Variants in LPP observed in about 807,000 individuals in gnomAD.
LPP encodes the protein lipoma-preferred partner.
LPP carries 38 observed loss-of-function variants against 60.4 expected under a neutral mutation model. The observed-to-expected ratio is 0.63, with a 90% confidence interval of 0.49 to 0.83. The LOEUF (loss-of-function observed/expected upper bound fraction) is 0.83. Among genes scored for constraint, LPP ranks in the 40% least tolerant of loss-of-function variants. The pLI is 0.00. For missense variants in LPP, 902 were observed against 783.6 expected (o/e 1.15, Z -1.80); for synonymous variants, 328 against 290.8 (o/e 1.13, Z -1.30).
At chr3:188,191,367 G>C (rs1340476128) in intron 1 of LPP, among the ~76,000 whole-genome samples, 4 of 152,204 alleles carry the variant, frequency 2.6e-5, no homozygotes, top group African/African-American at 9.6e-5. Flanking sequence ...GGAAACAACT[G>C]TTTCTTTGGT....
At chr3:188,410,529 TG>T (rs1560368273) in intron 4 of LPP, among the ~76,000 whole-genome samples, 3 of 152,194 alleles carry the variant, frequency 2.0e-5, no homozygotes, top group Non-Finnish European at 1.5e-5. Context: ...CACTGAAAAG[TG>T]GGGCATGCTT....
chr3:188,214,433 G>T (rs58514826), intron 1 of LPP, among the ~76,000 whole-genome samples: 1 of 152,112 alleles, frequency 6.6e-6, no homozygotes, highest in African/African-American at 2.4e-5. Context: ...ACCTGGCCTC[G>T]GATCAACTTG....
chr3:188,213,961 A>AACACAC (rs59389556), intron 1 of LPP, among the ~76,000 whole-genome samples: 14,984 of 130,226 alleles, frequency 0.12, 1,114 homozygotes, highest in African/African-American at 0.19. Context: ...TTAGATTTTA[A>AACACAC]ACACACACAC....
intron 3 of LPP, among the ~76,000 whole-genome samples, chr3:188,350,080 G>A (rs1765435267): frequency 6.6e-6 from 1 of 152,182 alleles, no homozygotes; most frequent in Non-Finnish European, 1.5e-5. Flanking sequence ...CAGGCAACAT[G>A]GCATGTTTTA....
chr3:188,623,119 T>A (rs374766583), intron 7 of LPP, among the ~76,000 whole-genome samples: 23 of 151,106 alleles, frequency 1.5e-4, no homozygotes, highest in African/African-American at 4.6e-4. Flanking sequence ...ACTAGATCAT[T>A]TAAAACAAAA....
At chr3:188,733,329 A>G (rs1294433499) in intron 8 of LPP, among the ~76,000 whole-genome samples, 1 of 150,838 alleles carries the variant, frequency 6.6e-6, no homozygotes, top group African/African-American at 2.4e-5. Flanking sequence ...ACATTTATAT[A>G]CCATACATGT....
At chr3:188,850,302 G>C (rs1213485589) in intron 9 of LPP, among the ~76,000 whole-genome samples, 2 of 152,196 alleles carry the variant, frequency 1.3e-5, no homozygotes, top group African/African-American at 2.4e-5. Flanking sequence ...AATAGGACTT[G>C]ATACCTGATG....
intron 9 of LPP, among the ~76,000 whole-genome samples, chr3:188,853,542 G>A (rs1763152488): frequency 6.6e-6 from 1 of 152,206 alleles, no homozygotes; most frequent in South Asian, 2.1e-4. Context: ...AAAAGCTTGG[G>A]TTGACAGGAA....
intron 3 of LPP, among the ~76,000 whole-genome samples, chr3:188,355,792 A>G (rs1382129411): frequency 2.6e-5 from 4 of 152,202 alleles, no homozygotes; most frequent in East Asian, 1.9e-4. Context: ...TCATATGACT[A>G]TTCTATCAAT....
At chr3:188,712,044 C>T (rs1170797859) in intron 8 of LPP, 1 of 152,108 alleles carries the variant, frequency 6.6e-6, no homozygotes, top group Non-Finnish European at 1.5e-5. Flanking sequence ...AAATAAGGTT[C>T]AAGTAGTAGG....
At chr3:188,768,995 A>C (rs906127772) in intron 9 of LPP, among the ~76,000 whole-genome samples, 3 of 152,176 alleles carry the variant, frequency 2.0e-5, no homozygotes, top group African/African-American at 7.2e-5. Flanking sequence ...GAACCTGAAA[A>C]ATTTTAAATA....
intron 2 of LPP, among the ~76,000 whole-genome samples, chr3:188,311,988 C>G (rs943801571): frequency 2.0e-5 from 3 of 152,030 alleles, no homozygotes; most frequent in Non-Finnish European, 4.4e-5. Context: ...ATAAGTAACA[C>G]AAAAATATAG....
intron 2 of LPP, among the ~76,000 whole-genome samples, chr3:188,229,291 T>A (rs186280046): frequency 1.3e-5 from 2 of 152,318 alleles, no homozygotes; most frequent in Admixed American, 1.3e-4. Flanking sequence ...TAATCATACC[T>A]GCTGCTCCAG....
At chr3:188,582,942 A>G (rs1173691978) in intron 6 of LPP, among the ~76,000 whole-genome samples, 1 of 152,076 alleles carries the variant, frequency 6.6e-6, no homozygotes, top group Non-Finnish European at 1.5e-5. Context: ...TCTTTCATGG[A>G]CCATTGGTGA....
chr3:188,456,166 A>G (rs1231236237), intron 4 of LPP, among the ~76,000 whole-genome samples: 1 of 152,208 alleles, frequency 6.6e-6, no homozygotes, highest in African/African-American at 2.4e-5. Context: ...TACAGGCGTG[A>G]GCCAATGGGC....
At chr3:188,501,518 G>T (rs556473970) in intron 5 of LPP, among the ~76,000 whole-genome samples, 20 of 152,272 alleles carry the variant, frequency 1.3e-4, no homozygotes, top group Admixed American at 6.5e-4. Flanking sequence ...GAGAGGCCGA[G>T]GCGGGTGGAT....
intron 2 of LPP, among the ~76,000 whole-genome samples, chr3:188,268,171 G>A (rs997498828): frequency 2.0e-5 from 3 of 151,886 alleles, no homozygotes; most frequent in East Asian, 1.9e-4. Context: ...TTGTGACCAC[G>A]CTTTACATTT....
chr3:188,726,944 T>A (rs2149975785), intron 8 of LPP, among the ~76,000 whole-genome samples: 1 of 152,298 alleles, frequency 6.6e-6, no homozygotes. Flanking sequence ...TAGTTTGAAT[T>A]AGAAAGTCAC....
At chr3:188,482,369 T>C (rs1260310210) in intron 4 of LPP, among the ~76,000 whole-genome samples, 5 of 152,242 alleles carry the variant, frequency 3.3e-5, no homozygotes, top group Admixed American at 6.5e-5. Flanking sequence ...CTTTTTTGCC[T>C]CATTGCCTAA....
Sources: allele counts gnomAD v4.1 joint callset (sites outside exome capture counted in the v4.1 genomes callset), GRCh38; gene constraint gnomAD v4.1.1; transcripts MANE v1.5; gene names NCBI Gene and HGNC (gene_info 2026-07-23, HGNC 2026-07-21).